The following PLA2G4E variants were observed in gnomAD, a reference collection of about 807,000 sequenced individuals.
The protein encoded by PLA2G4E is phospholipase A2 group IVE.
In PLA2G4E, 84 loss-of-function variants were observed where a neutral mutation model predicts 109.1. The ratio of observed to expected loss-of-function variants is 0.77; its 90% CI spans 0.65 to 0.92. PLA2G4E has a LOEUF of 0.92. PLA2G4E is among the 40% of genes least tolerant of loss of function. PLA2G4E has a pLI of 0.00. For synonymous variants in PLA2G4E, 469 were observed against 436.1 expected (o/e 1.08, Z -0.94); for missense variants, 1,057 against 1,076.6 (o/e 0.98, Z 0.25).
In PLA2G4E at chr15:41,992,907, G is replaced by A. The variant is rs552029346; in HGVS notation, c.1300C>T (p.Pro434Ser). 6.0e-5 allele frequency: 97 copies of A among 1,613,956 alleles called. No homozygotes were observed. The South Asian group carries it at 8.9e-4, about 15-fold the overall frequency. The change falls in exon 13 of 20, where the codon CCT becomes TCT. Residue 434 changes from proline (P) to serine (S), a missense_variant. Physicochemically the swap from Pro to Ser is moderately conservative, Grantham distance 74 (BLOSUM62 -1). Transcript: ENST00000399518. Reference sequence around the variant, plus strand: ...TGTCTCCGAGCCTCAAAGATAGCAGGCTCCAAGTTTTTGGAGGACCAGTCA... The same window carrying A: ...TGTCTCCGAGCCTCAAAGATAGCAGACTCCAAGTTTTTGGAGGACCAGTCA...
exon 4 of PLA2G4E, chr15:42,006,100 A>C: frequency 6.2e-7 from 1 of 1,613,912 alleles, no homozygotes; most frequent in Non-Finnish European, 8.5e-7. Flanking sequence ...TCTTCATCAC[A>C]GACACTCAAC....
At chr15:42,050,098 C>A (rs1294119173) in intron 1 of PLA2G4E, among the ~76,000 whole-genome samples, 3 of 152,222 alleles carry the variant, frequency 2.0e-5, no homozygotes, top group African/African-American at 7.2e-5. Context: ...GCCTATGTGA[C>A]AGGCACTCTG....
intron 16 of PLA2G4E, among the ~76,000 whole-genome samples, 160 bp downstream of exon 16, chr15:41,987,889 G>A (rs2068169986): frequency 6.7e-6 from 1 of 150,106 alleles, no homozygotes; most frequent in African/African-American, 2.4e-5. Flanking sequence ...AGGGAAAGCC[G>A]GGGGCCGCCC....
At chr15:41,994,571 C>T (rs1306087992) in intron 12 of PLA2G4E, among the ~76,000 whole-genome samples, 1 of 152,102 alleles carries the variant, frequency 6.6e-6, no homozygotes, top group East Asian at 1.9e-4. Context: ...CCTATGTGGC[C>T]CAGCCTGGTC....
intron 1 of PLA2G4E, among the ~76,000 whole-genome samples, chr15:42,017,317 A>C (rs1314186142): frequency 6.6e-6 from 1 of 152,166 alleles, no homozygotes; most frequent in African/African-American, 2.4e-5. Context: ...CCTGCCTTCC[A>C]GGACAAGTTC....
At chr15:42,005,932 GCAA>G (rs2068470957) in intron 4 of PLA2G4E, 55 bp downstream of exon 4, 3 of 1,570,484 alleles carry the variant, frequency 1.9e-6, no homozygotes, top group African/African-American at 2.7e-5. Flanking sequence ...GTGGGAATCA[GCAA>G]CAGCTATGAG....
intron 1 of PLA2G4E, among the ~76,000 whole-genome samples, chr15:42,017,928 C>A (rs993678577): frequency 6.6e-6 from 1 of 152,206 alleles, no homozygotes; most frequent in Non-Finnish European, 1.5e-5. Flanking sequence ...AGCCTTAGAT[C>A]ACACCCTCCA....
intron 2 of PLA2G4E, among the ~76,000 whole-genome samples, chr15:42,011,995 CT>C: frequency 6.6e-6 from 1 of 152,334 alleles, no homozygotes; most frequent in South Asian, 2.1e-4. Flanking sequence ...GGAAAAGTCC[CT>C]GGCCCTTTGG....
At chr15:42,002,229 C>A (rs555275110) in intron 6 of PLA2G4E, among the ~76,000 whole-genome samples, 114 of 138,088 alleles carry the variant, frequency 8.3e-4, no homozygotes, top group African/African-American at 2.9e-3. Flanking sequence ...CGCAGCACTG[C>A]ACTCCAGCCT....
chr15:42,002,778 G>A (rs2068435526), intron 5 of PLA2G4E, 82 bp from the exon 6 acceptor site: 5 of 1,255,838 alleles, frequency 4.0e-6, no homozygotes, highest in South Asian at 2.6e-5. Flanking sequence ...GAATAAATAG[G>A]GTCAATAACA....
At chr15:41,986,855 TGCAGAA>T in intron 17 of PLA2G4E, 1 of 386,988 alleles carries the variant, frequency 2.6e-6, no homozygotes, top group South Asian at 2.6e-5. Context: ...AGAACACAAC[TGCAGAA>T]AGTAAGACCC....
chr15:42,000,102 A>G lies in PLA2G4E; in HGVS notation c.852+2T>C, dbSNP rs1261810108. On this transcript the variant is annotated splice_donor_variant, in intron 8 of 19. Coordinates refer to ENST00000399518, the Ensembl canonical transcript of PLA2G4E. LOFTEE classifies it high-confidence loss of function. ...CCTCCCCCAGTGTCAGCCGCCTTGTACCCCACAGCTCCAGTGACTCTTGGG... is the reference window on the plus strand; with the variant it reads ...CCTCCCCCAGTGTCAGCCGCCTTGTGCCCCACAGCTCCAGTGACTCTTGGG... The G allele has an allele frequency of 8.2e-6, 13 of 1,582,926 alleles. No homozygotes were observed. The highest frequency in any genetic ancestry group is 2.3e-5 in the East Asian group (1 of 43,128).
rs779574120 is a variant in PLA2G4E, at chr15:41,984,604, A to T, written c.2218T>A (p.Cys740Ser). 14 of 1,606,392 alleles carry T rather than the reference A, an allele frequency of 8.7e-6. No homozygotes were observed. The highest frequency in any genetic ancestry group is 2.6e-6 in the Non-Finnish European group (3 of 1,174,232). ...ATGTTCTGCACAGTGCAGTACTCAC[A>T]GGTTTGTTTCAGGGGCTGGAACAGC... Residue 740 changes from cysteine (C) to serine (S), a missense_variant, in exon 19 of 20, where the codon TGT (cysteine) becomes AGT (serine). By Grantham distance (112) the Cys-to-Ser change is moderately radical. Transcript: ENST00000399518.
chr15:41,989,755 A>G (rs2068212396), intron 14 of PLA2G4E, among the ~76,000 whole-genome samples: 1 of 152,186 alleles, frequency 6.6e-6, no homozygotes, highest in African/African-American at 2.4e-5. Flanking sequence ...ATGCTTTGCA[A>G]GGAGGATGGC....
chr15:42,000,806 G>A (rs960265946), intron 7 of PLA2G4E, among the ~76,000 whole-genome samples: 8 of 152,176 alleles, frequency 5.3e-5, no homozygotes, highest in Non-Finnish European at 1.0e-4. Flanking sequence ...AAGGGGCATA[G>A]TTAGAGGGGT....
At chr15:42,037,352 C>T (rs1889235687) in intron 1 of PLA2G4E, among the ~76,000 whole-genome samples, 1 of 152,220 alleles carries the variant, frequency 6.6e-6, no homozygotes, top group African/African-American at 2.4e-5. Context: ...CTGGGCTCAG[C>T]CAGAGCAGAG....
rs570886524 is a variant in PLA2G4E at position 41,988,039 on chromosome 15, G to A, written c.1831+10C>T. On this transcript the variant is annotated intron_variant, in intron 16 of 19. Coordinates refer to ENST00000399518, the Ensembl canonical transcript of PLA2G4E. ...TCACCCAGCCATGAGGGAAAGCCGGGGTCACCCACCGATGTCCTGCACTTT... is the reference window on the plus strand; with the variant it reads ...TCACCCAGCCATGAGGGAAAGCCGGAGTCACCCACCGATGTCCTGCACTTT... 6.4e-6 allele frequency: 10 copies of A among 1,562,966 alleles called. No individual in the cohort carries two copies.
At chr15:42,007,062 A>G (rs1469418446) in intron 3 of PLA2G4E, among the ~76,000 whole-genome samples, 2 of 152,260 alleles carry the variant, frequency 1.3e-5, no homozygotes, top group Admixed American at 1.3e-4. Context: ...ACAAAAATAA[A>G]TAAGTATCCC....
intron 1 of PLA2G4E, among the ~76,000 whole-genome samples, chr15:42,050,170 C>T (rs1465743329): frequency 6.6e-6 from 1 of 152,230 alleles, no homozygotes; most frequent in Non-Finnish European, 1.5e-5. Flanking sequence ...CAAATATCTT[C>T]CATCTCAGGT....
Sources: allele counts gnomAD v4.1 joint callset (sites outside exome capture counted in the v4.1 genomes callset), GRCh38; gene constraint gnomAD v4.1.1; transcripts MANE v1.5; gene names NCBI Gene and HGNC (gene_info 2026-07-23, HGNC 2026-07-21).